Variants in ARHGAP42 observed in about 807,000 individuals in gnomAD.
ARHGAP42 encodes the protein Rho GTPase activating protein 42.
ARHGAP42 carries 63 observed loss-of-function variants against 125.0 expected under a neutral mutation model. The observed-to-expected ratio is 0.50, with a 90% CI of 0.41 to 0.62. The LOEUF is 0.62. Ranked by LOEUF, ARHGAP42 falls within the 20% of genes least tolerant of loss-of-function variation. The probability of loss-of-function intolerance (pLI) is 0.00; values close to 1 mark genes in which losing one functional copy is unlikely to be tolerated. For synonymous variants in ARHGAP42, 339 were observed against 351.0 expected (o/e 0.97, Z 0.38); for missense variants, 766 against 1,024.2 (o/e 0.75, Z 3.44).
chr11:100,849,618 A>C (rs2061606773), intron 3 of ARHGAP42, among the ~76,000 whole-genome samples: 1 of 151,994 alleles, frequency 6.6e-6, no homozygotes, highest in Non-Finnish European at 1.5e-5. Flanking sequence ...CACTGTGATT[A>C]AATTTGCTGG....
intron 6 of ARHGAP42, among the ~76,000 whole-genome samples, chr11:100,926,090 A>C (rs1313556725): frequency 2.6e-5 from 4 of 152,180 alleles, no homozygotes; most frequent in Non-Finnish European, 4.4e-5. Flanking sequence ...GTGGCTTAGA[A>C]AACGGAATCT....
chr11:100,966,282 G>A (rs1039215460), intron 17 of ARHGAP42, among the ~76,000 whole-genome samples: 1 of 152,084 alleles, frequency 6.6e-6, no homozygotes, highest in Non-Finnish European at 1.5e-5. Flanking sequence ...GATAAATACT[G>A]TATTAGCCAG....
intron 3 of ARHGAP42, among the ~76,000 whole-genome samples, chr11:100,801,189 A>G (rs1214912983): frequency 6.6e-6 from 1 of 152,110 alleles, no homozygotes; most frequent in Non-Finnish European, 1.5e-5. Flanking sequence ...ATAGATGGTG[A>G]GAGATTTTGT....
chr11:100,735,555 T>C (rs923259608), intron 1 of ARHGAP42, among the ~76,000 whole-genome samples: 4 of 151,192 alleles, frequency 2.6e-5, no homozygotes, highest in Non-Finnish European at 4.4e-5. Flanking sequence ...ATAAGAAATA[T>C]GAAAAAACTG....
intron 1 of ARHGAP42, among the ~76,000 whole-genome samples, chr11:100,741,298 T>C (rs926069568): frequency 6.6e-6 from 1 of 152,188 alleles, no homozygotes; most frequent in Non-Finnish European, 1.5e-5. Context: ...CCCAAAGTGC[T>C]GGGATTACAG....
At chr11:100,899,696 GTT>G (rs1170124840) in intron 4 of ARHGAP42, among the ~76,000 whole-genome samples, 4 of 124,816 alleles carry the variant, frequency 3.2e-5, no homozygotes, top group Non-Finnish European at 5.3e-5. Flanking sequence ...TGTTTGTTTT[GTT>G]TTTTTTGTTT....
intron 1 of ARHGAP42, among the ~76,000 whole-genome samples, chr11:100,709,617 C>T (rs1354690391): frequency 2.6e-5 from 4 of 152,180 alleles, no homozygotes; most frequent in Non-Finnish European, 4.4e-5. Context: ...ATGAGGCAGG[C>T]CTACTATATA....
chr11:100,715,701 A>G (rs1294363399), intron 1 of ARHGAP42, among the ~76,000 whole-genome samples: 1 of 152,136 alleles, frequency 6.6e-6, no homozygotes, highest in African/African-American at 2.4e-5. Flanking sequence ...GGTGCATAGT[A>G]TTGGCGAGGT....
At chr11:100,966,534 A>G (rs1404961081) in intron 17 of ARHGAP42, among the ~76,000 whole-genome samples, 5 of 152,068 alleles carry the variant, frequency 3.3e-5, no homozygotes, top group Non-Finnish European at 5.9e-5. Context: ...AAGATCTTCA[A>G]CTGATTGGAT....
intron 12 of ARHGAP42, among the ~76,000 whole-genome samples, chr11:100,952,733 G>A (rs1857696776): frequency 9.4e-5 from 2 of 21,320 alleles, no homozygotes; most frequent in East Asian, 0.012. Flanking sequence ...CCTAAGTCAG[G>A]CTTTTTTTTT....
intron 3 of ARHGAP42, among the ~76,000 whole-genome samples, chr11:100,827,322 A>G (rs902388342): frequency 1.3e-5 from 2 of 152,266 alleles, no homozygotes; most frequent in Middle Eastern, 3.4e-3. Context: ...ATCTTTACAT[A>G]GAGTGATGGG....
At chr11:100,784,141 T>C (rs1386097887) in intron 2 of ARHGAP42, among the ~76,000 whole-genome samples, 2 of 151,958 alleles carry the variant, frequency 1.3e-5, no homozygotes, top group African/African-American at 4.8e-5. Context: ...AAAATATAGG[T>C]AAAAGAAAAA....
intron 22 of ARHGAP42, chr11:100,986,277 A>G: frequency 2.8e-6 from 1 of 355,610 alleles, no homozygotes; most frequent in South Asian, 2.2e-5. Context: ...CTTGAAATTT[A>G]AGATGAACCT....
intron 1 of ARHGAP42, among the ~76,000 whole-genome samples, chr11:100,714,475 T>C (rs1358022089): frequency 6.6e-6 from 1 of 151,780 alleles, no homozygotes; most frequent in Non-Finnish European, 1.5e-5. Context: ...AACCCTAACT[T>C]CCAGAGCTGA....
At chr11:100,739,864 C>T (rs1331576168) in intron 1 of ARHGAP42, among the ~76,000 whole-genome samples, 1 of 152,118 alleles carries the variant, frequency 6.6e-6, no homozygotes, top group Admixed American at 6.5e-5. Context: ...ATACCCCACC[C>T]CCAACACACA....
chr11:100,778,935 A>G (rs1037206229), intron 2 of ARHGAP42, among the ~76,000 whole-genome samples: 3 of 152,142 alleles, frequency 2.0e-5, no homozygotes, highest in Non-Finnish European at 2.9e-5. Flanking sequence ...TCTTTTGTAC[A>G]GAGGGCTCAC....
At chr11:100,959,709 T>C (rs7950832) in intron 12 of ARHGAP42, 174 bp from the exon 13 acceptor site, 234,641 of 599,842 alleles carry the variant, frequency 0.39, 51,791 homozygotes, top group African/African-American at 0.63. Context: ...GAGGGTGAAG[T>C]TCCCTCCTCT....
intron 1 of ARHGAP42, among the ~76,000 whole-genome samples, chr11:100,705,977 C>CTTTTTTTT (rs34731514): frequency 8.9e-6 from 1 of 112,054 alleles, no homozygotes; most frequent in Non-Finnish European, 1.8e-5. Flanking sequence ...AGTTAAGTAA[C>CTTTTTTTT]TTTTTTTTTT....
At chr11:100,867,162 G>C (rs1865588287) in intron 4 of ARHGAP42, among the ~76,000 whole-genome samples, 1 of 152,170 alleles carries the variant, frequency 6.6e-6, no homozygotes, top group Non-Finnish European at 1.5e-5. Flanking sequence ...AAGATTTCTG[G>C]AATGGTAAAT....
Sources: allele counts gnomAD v4.1 joint callset (sites outside exome capture counted in the v4.1 genomes callset), GRCh38; gene constraint gnomAD v4.1.1; transcripts MANE v1.5; gene names NCBI Gene and HGNC (gene_info 2026-07-23, HGNC 2026-07-21).